BPTF: variants seen among roughly 807,000 people sequenced by gnomAD.
The protein encoded by BPTF is nucleosome-remodeling factor subunit BPTF.
BPTF carries 18 observed loss-of-function variants against 292.5 expected under a neutral mutation model. The observed-to-expected ratio is 0.06, with a 90% CI of 0.04 to 0.09. BPTF has a LOEUF of 0.09. Among genes scored for constraint, BPTF ranks in the 10% least tolerant of loss-of-function variants. The pLI, the probability that BPTF is intolerant of heterozygous loss-of-function variation, is 1.00. For missense variants in BPTF, 2,726 were observed against 3,498.7 expected, an observed-to-expected ratio of 0.78 and a Z score of 5.57; for synonymous variants, 1,225 against 1,251.9, an observed-to-expected ratio of 0.98 and a Z score of 0.45.
chr17:67,829,052 C>T (rs917034527), intron 1 of BPTF, among the ~76,000 whole-genome samples: 15 of 152,110 alleles, frequency 9.9e-5, no homozygotes, highest in African/African-American at 2.9e-4. Flanking sequence ...GTGTCATAAT[C>T]TCTAAATACT....
chr17:67,981,967 G>A (rs1183365920), intron 27 of BPTF, among the ~76,000 whole-genome samples: 1 of 136,768 alleles, frequency 7.3e-6, no homozygotes, highest in Admixed American at 7.6e-5. Flanking sequence ...TGAAAATGTT[G>A]TAATCTTTAT....
At chr17:67,941,189 G>T (rs192966378) in intron 19 of BPTF, among the ~76,000 whole-genome samples, 11 of 152,340 alleles carry the variant, frequency 7.2e-5, no homozygotes, top group African/African-American at 2.6e-4. Context: ...GGTGGCTTGC[G>T]CCTGTAATCC....
In BPTF at chr17:67,975,680, A is replaced by T. The variant is rs527263582; in HGVS notation, c.8540-92A>T. On this transcript the variant is annotated intron_variant, in intron 26 of 27. Transcript: ENST00000306378. The stretch of plus-strand genomic sequence containing the variant: ...AGCCTGGCTCCAGGACTGCTTGCAC[A>T]GTAAACATATATACTTGTTAGAACT... The T allele has an allele frequency of 6.2e-4, 721 of 1,165,566 alleles. 11 individuals are homozygous for T. In the South Asian group the frequency reaches 0.011, roughly 18 times the overall value. The allele number at this position is 1,165,566 out of a possible 1,614,324, so 72.2% of individuals were successfully genotyped here.
chr17:67,826,120 G>C lies in BPTF; in HGVS notation c.396G>C (p.Glu132Asp). The change falls in exon 1 of 28, where the codon GAG becomes GAC. Residue 132 changes from glutamate (E) to aspartate (D), a missense_variant. Transcript: ENST00000306378. ...TGGTGTACGATGACCACGAGAGCGA[G>C]GAGGAGGAGGAAGAGGAGGACATGG... ...NKVVYDDHES[E>D]EEEEEEDMVS... 1.6e-6 allele frequency: 2 copies of C among 1,238,448 alleles called. No homozygotes were observed. The highest frequency in any genetic ancestry group is 2.3e-6 in the Non-Finnish European group (2 of 871,300). The allele number at this position is 1,238,448 out of a possible 1,614,324, so 76.7% of individuals were successfully genotyped here.
In BPTF at chr17:67,959,637, C is replaced by T; in HGVS notation, c.8023C>T (p.Pro2675Ser). Residue 2675 changes from proline to serine, a missense_variant, in exon 24 of 28, where the codon CCA becomes TCA. By Grantham distance (74) the Pro-to-Ser change is moderately conservative. Coordinates refer to ENST00000306378, the MANE Select transcript of BPTF (RefSeq NM_182641.4). ...AVAAPCPPVT[P>S]APPAPPAPPP... Reference sequence around the variant, plus strand: ...AGCTGCACCCTGCCCCCCAGTGACACCAGCTCCTCCAGCCCCTCCAGCCCC... The same window carrying T: ...AGCTGCACCCTGCCCCCCAGTGACATCAGCTCCTCCAGCCCCTCCAGCCCC... The T allele has an allele frequency of 6.3e-7, 1 of 1,599,904 alleles. No homozygotes were observed. Among genetic ancestry groups the T allele is most frequent in the Non-Finnish European group, 8.5e-7 (1 of 1,175,142 alleles).
At chr17:67,980,174 G>A (rs528866189) in intron 27 of BPTF, among the ~76,000 whole-genome samples, 89 of 152,140 alleles carry the variant, frequency 5.8e-4, no homozygotes, top group African/African-American at 2.0e-3. Flanking sequence ...GTAAAACCTC[G>A]TCTCTACTAA....
chr17:67,960,184 G>A (rs2067340515), intron 24 of BPTF: 1 of 244,230 alleles, frequency 4.1e-6, no homozygotes, highest in Non-Finnish European at 7.9e-6. Context: ...GATGTCTGGA[G>A]AAGGAGGTGT....
At chr17:67,888,589 CAAAAAAAAAAA>C (rs776548348) in intron 4 of BPTF, among the ~76,000 whole-genome samples, 4 of 63,552 alleles carry the variant, frequency 6.3e-5, no homozygotes, top group Non-Finnish European at 1.4e-4. Flanking sequence ...GACTCCGTCT[CAAAAAAAAAAA>C]AAAAAAAAAA....
intron 1 of BPTF, among the ~76,000 whole-genome samples, chr17:67,844,867 C>T (rs1364142055): frequency 6.6e-6 from 1 of 152,110 alleles, no homozygotes; most frequent in African/African-American, 2.4e-5. Context: ...CCTCAGCCTC[C>T]CTAGGAGCTG....
chr17:67,923,882 C>T (rs991013796), intron 14 of BPTF, among the ~76,000 whole-genome samples: 4 of 152,094 alleles, frequency 2.6e-5, no homozygotes, highest in African/African-American at 9.7e-5. Context: ...CAGTTTCACT[C>T]TGTCCCCCAG....
intron 7 of BPTF, among the ~76,000 whole-genome samples, chr17:67,899,820 C>G (rs1414809312): frequency 6.6e-6 from 1 of 151,976 alleles, no homozygotes; most frequent in Non-Finnish European, 1.5e-5. Flanking sequence ...TGAGCCACCG[C>G]GCCCGGCCTA....
At chr17:67,886,248 A>C in intron 4 of BPTF, 1 of 1,614,080 alleles carries the variant, frequency 6.2e-7, no homozygotes. Context: ...GAATCTGCTA[A>C]GGCAGCTGAT....
chr17:67,901,829 A>G (rs909538775), intron 7 of BPTF, among the ~76,000 whole-genome samples: 1 of 152,270 alleles, frequency 6.6e-6, no homozygotes, highest in Non-Finnish European at 1.5e-5. Flanking sequence ...TATATCCGTC[A>G]GCATTTTCAG....
intron 26 of BPTF, among the ~76,000 whole-genome samples, chr17:67,971,570 C>G (rs1555690945): frequency 1.3e-5 from 2 of 151,786 alleles, no homozygotes; most frequent in Non-Finnish European, 1.5e-5. Context: ...CTTTGGGAGG[C>G]TGAGGCAGGC....
Position 67,888,447 on chromosome 17 carries a change from G to A in BPTF, c.1865-3397G>A, listed in dbSNP as rs142293143. Among the ~76,000 whole-genome samples, 371 of 151,922 alleles carry A rather than the reference G, an allele frequency of 2.4e-3. 1 individual carries two copies. The highest frequency in any genetic ancestry group is 4.3e-3 in the Non-Finnish European group (294 of 67,930). On this transcript the variant is annotated intron_variant, in intron 4 of 27. Transcript: ENST00000306378. ...ACTAAAAATACAAAAAATACTAGCC[G>A]GGCATGGTGGTGTGTGCCTGTAATC...
intron 17 of BPTF, 43 bp from the exon 18 acceptor site, chr17:67,931,867 CT>C: frequency 6.8e-7 from 1 of 1,460,180 alleles, no homozygotes; most frequent in Non-Finnish European, 9.5e-7. Flanking sequence ...ATACTTTAAT[CT>C]TTTTAAAGCA....
At chr17:67,887,069 T>C (rs978378160) in intron 4 of BPTF, among the ~76,000 whole-genome samples, 3 of 152,224 alleles carry the variant, frequency 2.0e-5, no homozygotes, top group Non-Finnish European at 2.9e-5. Flanking sequence ...CTTAATTGTA[T>C]ATCAAAAGAG....
intron 27 of BPTF, among the ~76,000 whole-genome samples, chr17:67,980,714 C>G (rs1213815437): frequency 6.6e-6 from 1 of 152,120 alleles, no homozygotes; most frequent in African/African-American, 2.4e-5. Flanking sequence ...GAGATGGAGG[C>G]CTAGGCTGGG....
At chr17:67,891,420 T>G (rs1176508060) in intron 4 of BPTF, 1 of 153,290 alleles carries the variant, frequency 6.5e-6, no homozygotes, top group African/African-American at 2.4e-5. Flanking sequence ...TCAAAACTAT[T>G]TGGTATTTAA....
Sources: allele counts gnomAD v4.1 joint callset (sites outside exome capture counted in the v4.1 genomes callset), GRCh38; gene constraint gnomAD v4.1.1; transcripts MANE v1.5; gene names NCBI Gene and HGNC (gene_info 2026-07-23, HGNC 2026-07-21).